Variants in TAB2 observed in about 807,000 individuals in gnomAD.
The protein encoded by TAB2 is TGF-beta activated kinase 1 (MAP3K7) binding protein 2, also known as TGF-beta-activated kinase 1 and MAP3K7-binding protein 2.
A neutral mutation model predicts 65.0 loss-of-function variants in TAB2; 3 were observed. The observed-to-expected ratio is 0.05, with a 90% confidence interval of 0.02 to 0.12. TAB2 has a LOEUF of 0.12. TAB2 is among the 10% of genes least tolerant of loss of function. The pLI, the probability that TAB2 is intolerant of heterozygous loss-of-function variation, is 1.00. For synonymous variants in TAB2, 298 were observed against 285.1 expected (o/e 1.05, Z -0.46); for missense variants, 623 against 840.3 (o/e 0.74, Z 3.20).
intron 1 of TAB2, among the ~76,000 whole-genome samples, chr6:149,277,791 A>G (rs969829489): frequency 6.6e-5 from 10 of 152,228 alleles, no homozygotes; most frequent in African/African-American, 2.4e-4. Context: ...ATTAGTCATT[A>G]CATTTTCTAT....
chr6:149,338,488 G>C (rs1008051407), intron 1 of TAB2, among the ~76,000 whole-genome samples: 1 of 152,208 alleles, frequency 6.6e-6, no homozygotes, highest in African/African-American at 2.4e-5. Flanking sequence ...ACTTCACTTT[G>C]CAGGCTGAAA....
chr6:149,388,851 A>G lies in TAB2; in HGVS notation c.1604-8753A>G, dbSNP rs567136355. Among the ~76,000 whole-genome samples, 25 of 152,042 alleles carry G rather than the reference A, an allele frequency of 1.6e-4. No homozygotes were observed. In the East Asian group the frequency reaches 4.3e-3, roughly 26 times the overall value. ...TGCCTTATAAATTTTTTACTTTTAC[A>G]TATTCAGACTTCTCAGAATTTCCTC... On this transcript the variant is annotated intron_variant, in intron 3 of 6. Transcript: ENST00000637181.
chr6:149,403,779 G>A (rs556539574), intron 6 of TAB2, among the ~76,000 whole-genome samples: 2 of 152,064 alleles, frequency 1.3e-5, no homozygotes, highest in South Asian at 4.2e-4. Flanking sequence ...GACAGTGGGA[G>A]GTGCCACACC....
chr6:149,222,372 C>T (rs1009520811), intron 1 of TAB2, among the ~76,000 whole-genome samples: 1 of 152,110 alleles, frequency 6.6e-6, no homozygotes, highest in African/African-American at 2.4e-5. Flanking sequence ...AATCCCAACA[C>T]TTTGGGAGGC....
intron 6 of TAB2, among the ~76,000 whole-genome samples, chr6:149,405,977 G>C (rs1210483836): frequency 4.6e-5 from 7 of 152,170 alleles, no homozygotes; most frequent in Non-Finnish European, 8.8e-5. Flanking sequence ...GTTTTTCACA[G>C]TATATACATA....
At chr6:149,405,539 C>T (rs1782634626) in intron 6 of TAB2, among the ~76,000 whole-genome samples, 1 of 151,986 alleles carries the variant, frequency 6.6e-6, no homozygotes, top group African/African-American at 2.4e-5. Context: ...GTGAGAGATA[C>T]ACACACACAG....
At chr6:149,320,643 C>G (rs372648962) in intron 1 of TAB2, among the ~76,000 whole-genome samples, 2 of 151,568 alleles carry the variant, frequency 1.3e-5, no homozygotes, top group African/African-American at 4.9e-5. Context: ...AAAAAAAGTC[C>G]TTGAGGAATG....
chr6:149,258,501 C>G (rs995432370), intron 1 of TAB2, among the ~76,000 whole-genome samples: 3 of 151,882 alleles, frequency 2.0e-5, no homozygotes, highest in Non-Finnish European at 4.4e-5. Flanking sequence ...TGTCCTATAC[C>G]TAAGGGAAGA....
intron 1 of TAB2, among the ~76,000 whole-genome samples, chr6:149,224,997 T>A (rs1383291708): frequency 1.3e-5 from 2 of 152,244 alleles, no homozygotes; most frequent in Non-Finnish European, 2.9e-5. Flanking sequence ...TGTGTTTTGG[T>A]CAAGTGCTTA....
At chr6:149,366,977 T>A (rs910463142) in intron 1 of TAB2, among the ~76,000 whole-genome samples, 2 of 151,676 alleles carry the variant, frequency 1.3e-5, no homozygotes, top group African/African-American at 4.9e-5. Context: ...CAAATCTAGA[T>A]CATTTGAAAT....
chr6:149,218,746 T>C (rs1278975896), exon 1 of TAB2: 3 of 456,042 alleles, frequency 6.6e-6, no homozygotes, highest in South Asian at 4.6e-5. Context: ...ACTAAGTTTA[T>C]TCCTCCAAAG....
At chr6:149,232,462 A>T (rs1777424000) in intron 1 of TAB2, among the ~76,000 whole-genome samples, 1 of 152,118 alleles carries the variant, frequency 6.6e-6, no homozygotes, top group African/African-American at 2.4e-5. Context: ...CCTGACCTCA[A>T]GTGTTCCGCC....
chr6:149,239,319 A>G (rs1367439797), intron 1 of TAB2, among the ~76,000 whole-genome samples: 1 of 152,158 alleles, frequency 6.6e-6, no homozygotes, highest in Admixed American at 6.6e-5. Context: ...ACCAGAGCTT[A>G]CTGAGATTAT....
chr6:149,268,254 G>A (rs1271882205), intron 1 of TAB2, among the ~76,000 whole-genome samples: 1 of 152,124 alleles, frequency 6.6e-6, no homozygotes, highest in East Asian at 1.9e-4. Context: ...CCGCATCACG[G>A]TCCACTGTGG....
At chr6:149,257,077 A>T (rs1029342552) in intron 1 of TAB2, among the ~76,000 whole-genome samples, 1 of 152,242 alleles carries the variant, frequency 6.6e-6, no homozygotes, top group Non-Finnish European at 1.5e-5. Context: ...AAATTGCCAC[A>T]GTCAGAGTGG....
In TAB2 at chr6:149,378,930, T is replaced by A; in HGVS notation, c.1015T>A (p.Ser339Thr). The change falls in exon 3 of 7, where the codon TCA becomes ACA. Residue 339 changes from serine to threonine, a missense_variant. Physicochemically the swap from Ser to Thr is moderately conservative, Grantham distance 58. Around this residue, in one of 3 missense-constraint regions of TAB2, gnomAD observed 550 missense variants for 665.7 expected, o/e 0.83. Transcript: ENST00000637181. ...TGAACCCCCACAAAGAAATAATTCT[T>A]CAAAACTGCGTTCTTCTGGACCTCG... Reference protein sequence around the residue: ...KLEPPQRNNSSKLRSSGPRTS... With the variant: ...KLEPPQRNNSTKLRSSGPRTS... 2 of 1,614,108 alleles carry A rather than the reference T, an allele frequency of 1.2e-6. No homozygotes were observed. The highest frequency in any genetic ancestry group is 1.7e-6 in the Non-Finnish European group (2 of 1,180,032).
intron 1 of TAB2, among the ~76,000 whole-genome samples, chr6:149,308,404 G>A (rs1473819270): frequency 6.6e-6 from 1 of 152,104 alleles, no homozygotes; most frequent in Non-Finnish European, 1.5e-5. Flanking sequence ...ATAAACAAAC[G>A]AAGAAAGAAA....
chr6:149,349,053 A>T (rs893606530), intron 1 of TAB2, among the ~76,000 whole-genome samples: 2 of 152,122 alleles, frequency 1.3e-5, no homozygotes, highest in African/African-American at 4.8e-5. Flanking sequence ...TGAATATTGT[A>T]CTTTTTCCTC....
chr6:149,329,597 A>G (rs1487217284), intron 1 of TAB2, among the ~76,000 whole-genome samples: 2 of 144,046 alleles, frequency 1.4e-5, no homozygotes, highest in Non-Finnish European at 3.0e-5. Context: ...GCAGTAGCAA[A>G]TGCAGTGGCC....
Sources: allele counts gnomAD v4.1 joint callset (sites outside exome capture counted in the v4.1 genomes callset), GRCh38; gene constraint gnomAD v4.1.1; regional missense constraint gnomAD v4.1.1; transcripts MANE v1.5; gene names NCBI Gene and HGNC (gene_info 2026-07-23, HGNC 2026-07-21).